The following LDLRAD3 variants were observed in gnomAD, a reference collection of about 807,000 sequenced individuals.
LDLRAD3 encodes low-density lipoprotein receptor class A domain-containing protein 3.
In LDLRAD3, 20 loss-of-function variants were observed where a neutral mutation model predicts 29.4. The ratio of observed to expected loss-of-function variants is 0.68; its 90% confidence interval spans 0.48 to 0.99. The LOEUF (loss-of-function observed/expected upper bound fraction) is 0.99. Ranked by LOEUF, LDLRAD3 falls within the 50% of genes least tolerant of loss-of-function variation. The probability of loss-of-function intolerance (pLI) is 0.00; values close to 1 mark genes in which losing one functional copy is unlikely to be tolerated. For missense variants in LDLRAD3, 420 were observed against 454.3 expected (o/e 0.92, Z 0.69); for synonymous variants, 157 against 192.7 (o/e 0.81, Z 1.53).
At chr11:36,083,395 A>G (rs776915191) in intron 3 of LDLRAD3, among the ~76,000 whole-genome samples, 12 of 152,336 alleles carry the variant, frequency 7.9e-5, no homozygotes, top group Admixed American at 1.3e-4. Flanking sequence ...GAAAATATAA[A>G]CAAGTATAAA....
At chr11:35,956,576 G>C (rs1409633837) in intron 1 of LDLRAD3, among the ~76,000 whole-genome samples, 2 of 152,124 alleles carry the variant, frequency 1.3e-5, no homozygotes, top group Non-Finnish European at 2.9e-5. Context: ...GAGTCAGTCT[G>C]GGTTCAGATT....
chr11:36,182,883 G>T (rs921890650), intron 4 of LDLRAD3, among the ~76,000 whole-genome samples: 36 of 152,150 alleles, frequency 2.4e-4, no homozygotes, highest in Non-Finnish European at 1.0e-4. Context: ...CAAGCTTTTG[G>T]TTTTTGTTAA....
At chr11:36,064,221 G>A (rs919695684) in intron 2 of LDLRAD3, among the ~76,000 whole-genome samples, 1 of 152,188 alleles carries the variant, frequency 6.6e-6, no homozygotes, top group Non-Finnish European at 1.5e-5. Context: ...CTGATTGCTA[G>A]TGTATACAAA....
rs2984697 is a variant in LDLRAD3 at position 35,961,454 on chromosome 11, A to G, written c.46+17310A>G. The stretch of plus-strand genomic sequence containing the variant: ...TGTGTTCTTTACCTGTAAAAGGAGG[A>G]TAAGGTTAATAGCAGCCTCACAGCA... On this transcript the variant is annotated intron_variant, in intron 1 of 5. Coordinates refer to ENST00000315571, the MANE Select transcript of LDLRAD3 (RefSeq NM_174902.4). 2.5e-3 allele frequency among the ~76,000 whole-genome samples: 382 copies of G among 152,302 alleles called. 2 individuals are homozygous for G. The highest frequency in any genetic ancestry group is 8.8e-3 in the African/African-American group (365 of 41,560).
chr11:36,146,432 A>G (rs2133322762), intron 4 of LDLRAD3, among the ~76,000 whole-genome samples: 1 of 152,344 alleles, frequency 6.6e-6, no homozygotes, highest in South Asian at 2.1e-4. Flanking sequence ...ATTATCCTGT[A>G]AAGAGCTATA....
chr11:36,059,280 A>G lies in LDLRAD3; in HGVS notation c.194-22373A>G, dbSNP rs540343868. On this transcript the variant is annotated intron_variant, in intron 2 of 5. Coordinates refer to ENST00000315571, the MANE Select transcript of LDLRAD3 (RefSeq NM_174902.4). ...TCAGGAGGCTGGGGCACACTTGAGCATGAGAGGTTGAGGCAGCAGTGAGCC... is the reference window on the plus strand; with the variant it reads ...TCAGGAGGCTGGGGCACACTTGAGCGTGAGAGGTTGAGGCAGCAGTGAGCC... Among the ~76,000 whole-genome samples, 8 of 151,914 alleles carry G rather than the reference A, an allele frequency of 5.3e-5. No individual in the cohort carries two copies. In the South Asian group the frequency reaches 1.7e-3, roughly 32 times the overall value.
At chr11:35,992,695 G>A (rs550032251) in intron 1 of LDLRAD3, among the ~76,000 whole-genome samples, 1 of 152,200 alleles carries the variant, frequency 6.6e-6, no homozygotes, top group East Asian at 1.9e-4. Context: ...GGCTGAGTGG[G>A]GGTTTGGGAG....
At chr11:36,209,559 C>T (rs2133380531) in intron 4 of LDLRAD3, among the ~76,000 whole-genome samples, 1 of 152,018 alleles carries the variant, frequency 6.6e-6, no homozygotes, top group Non-Finnish European at 1.5e-5. Flanking sequence ...AGGGTTTCAC[C>T]ATGTTGGTCA....
intron 2 of LDLRAD3, among the ~76,000 whole-genome samples, chr11:36,060,353 C>CA (rs60557347): frequency 0.11 from 8,389 of 73,044 alleles, 420 homozygotes; most frequent in East Asian, 0.18. Context: ...GACTCTGTCT[C>CA]AAAAAAAAAA....
At chr11:35,955,371 G>A (rs539263249) in intron 1 of LDLRAD3, among the ~76,000 whole-genome samples, 6 of 152,288 alleles carry the variant, frequency 3.9e-5, no homozygotes, top group African/African-American at 1.2e-4. Context: ...ATTCCAGGAA[G>A]GAAGCACATC....
chr11:36,005,744 T>A (rs924462534), intron 1 of LDLRAD3, among the ~76,000 whole-genome samples: 2 of 152,286 alleles, frequency 1.3e-5, no homozygotes, highest in African/African-American at 4.8e-5. Context: ...AAAAAAGGGC[T>A]AATTTACTCT....
At chr11:36,120,797 G>A (rs116978640) in intron 4 of LDLRAD3, among the ~76,000 whole-genome samples, 6 of 152,282 alleles carry the variant, frequency 3.9e-5, no homozygotes, top group Admixed American at 6.5e-5. Flanking sequence ...GATTGTATTA[G>A]GAGATGAGGC....
intron 1 of LDLRAD3, among the ~76,000 whole-genome samples, chr11:35,996,511 C>T (rs1851757137): frequency 6.6e-6 from 1 of 152,150 alleles, no homozygotes; most frequent in African/African-American, 2.4e-5. Context: ...GATACAAACA[C>T]ATGAAGTGGC....
chr11:36,222,068 T>C (rs1291641521), intron 4 of LDLRAD3, among the ~76,000 whole-genome samples: 1 of 152,108 alleles, frequency 6.6e-6, no homozygotes, highest in African/African-American at 2.4e-5. Flanking sequence ...TGAATGCTCA[T>C]TTTGTTTGTT....
intron 4 of LDLRAD3, among the ~76,000 whole-genome samples, chr11:36,199,004 C>T (rs1190156374): frequency 6.6e-6 from 1 of 152,112 alleles, no homozygotes; most frequent in Non-Finnish European, 1.5e-5. Flanking sequence ...GGGTTCACCC[C>T]ATTCTCCTGC....
intron 1 of LDLRAD3, among the ~76,000 whole-genome samples, chr11:35,958,292 C>T (rs1851230821): frequency 6.6e-6 from 1 of 152,224 alleles, no homozygotes; most frequent in Admixed American, 6.5e-5. Flanking sequence ...CAGAGCATTT[C>T]TGTCATTGAG....
chr11:36,221,556 A>G (rs1373794715), intron 4 of LDLRAD3, among the ~76,000 whole-genome samples: 1 of 152,046 alleles, frequency 6.6e-6, no homozygotes, highest in Admixed American at 6.6e-5. Context: ...AATCCCAGCT[A>G]CTCAGAGGCT....
At chr11:36,026,984 C>T (rs974015503) in intron 1 of LDLRAD3, among the ~76,000 whole-genome samples, 1 of 152,328 alleles carries the variant, frequency 6.6e-6, no homozygotes, top group Admixed American at 6.5e-5. Context: ...TAAACTTGCT[C>T]TCACGTTACT....
chr11:36,050,286 G>A (rs1057228284), intron 2 of LDLRAD3, among the ~76,000 whole-genome samples: 3 of 152,180 alleles, frequency 2.0e-5, no homozygotes, highest in Non-Finnish European at 4.4e-5. Flanking sequence ...TCCTGAGCCT[G>A]TGCAAGCCCA....
Sources: gnomAD v4.1 joint callset for allele counts (sites outside exome capture counted in the v4.1 genomes callset) on GRCh38, gnomAD v4.1.1 for gene constraint, MANE v1.5 for transcripts, NCBI Gene and HGNC (gene_info 2026-07-23, HGNC 2026-07-21) for gene names.